Variants in EPHA6 observed in about 807,000 individuals in gnomAD.
EPHA6 encodes EPH receptor A6.
EPHA6 carries 50 observed loss-of-function variants against 112.0 expected under a neutral mutation model. That is an observed-to-expected ratio of 0.45 (90% CI 0.36 to 0.56). The LOEUF (loss-of-function observed/expected upper bound fraction) is 0.56. Among genes scored for constraint, EPHA6 ranks in the 20% least tolerant of loss-of-function variants. The pLI is 0.00. For synonymous variants in EPHA6, 529 were observed against 490.7 expected (o/e 1.08, Z -1.03); for missense variants, 1,280 against 1,417.4 (o/e 0.90, Z 1.56).
At chr3:96,893,063 G>A (rs761642792) in intron 2 of EPHA6, among the ~76,000 whole-genome samples, 6 of 151,600 alleles carry the variant, frequency 4.0e-5, no homozygotes, top group Non-Finnish European at 8.8e-5. Flanking sequence ...GATTATAATC[G>A]AGCTGAAAAA....
intron 2 of EPHA6, among the ~76,000 whole-genome samples, chr3:96,951,217 T>C (rs1456058849): frequency 3.9e-5 from 6 of 152,158 alleles, no homozygotes; most frequent in African/African-American, 1.4e-4. Flanking sequence ...TTTTTTATAC[T>C]GTATTACTTT....
intron 6 of EPHA6, among the ~76,000 whole-genome samples, chr3:97,433,004 A>T (rs994112815): frequency 6.6e-6 from 1 of 152,224 alleles, no homozygotes; most frequent in African/African-American, 2.4e-5. Flanking sequence ...AGATCCTGTT[A>T]GAAACTATAA....
At chr3:97,429,082 T>G (rs2107223641) in intron 6 of EPHA6, among the ~76,000 whole-genome samples, 1 of 152,274 alleles carries the variant, frequency 6.6e-6, no homozygotes, top group South Asian at 2.1e-4. Flanking sequence ...AAATCCAGAC[T>G]TACACAAGCC....
chr3:97,606,255 A>T (rs1334801687), intron 12 of EPHA6: 1 of 151,296 alleles, frequency 6.6e-6, no homozygotes, highest in African/African-American at 2.4e-5. Context: ...CCTAGTAGGC[A>T]TTTTAAGAAA....
At chr3:97,117,665 C>G (rs1466086574) in intron 3 of EPHA6, among the ~76,000 whole-genome samples, 1 of 151,622 alleles carries the variant, frequency 6.6e-6, no homozygotes, top group East Asian at 1.9e-4. Context: ...TGTTGTGTTT[C>G]TTTGGTCTAT....
intron 6 of EPHA6, among the ~76,000 whole-genome samples, chr3:97,441,830 T>C (rs911500514): frequency 2.0e-5 from 3 of 152,144 alleles, no homozygotes; most frequent in African/African-American, 7.2e-5. Context: ...TAAAATTTTT[T>C]TAAGTTAATT....
intron 3 of EPHA6, among the ~76,000 whole-genome samples, chr3:97,073,004 C>G (rs1242190603): frequency 6.6e-6 from 1 of 152,282 alleles, no homozygotes; most frequent in African/African-American, 2.4e-5. Flanking sequence ...TTTGACCTAA[C>G]AAGCTCTGTA....
chr3:97,463,199 C>T (rs1454249297), intron 7 of EPHA6, among the ~76,000 whole-genome samples: 1 of 152,050 alleles, frequency 6.6e-6, no homozygotes, highest in African/African-American at 2.4e-5. Flanking sequence ...GTGCTGCACC[C>T]ATTAACTCGT....
intron 10 of EPHA6, among the ~76,000 whole-genome samples, chr3:97,528,799 A>C (rs2092660496): frequency 6.6e-6 from 1 of 152,156 alleles, no homozygotes; most frequent in Non-Finnish European, 1.5e-5. Flanking sequence ...CCTGTATAAC[A>C]TACAACAAAA....
In EPHA6 at chr3:97,600,935, T is replaced by C. The variant is rs1399136256; in HGVS notation, c.2512+8198T>C. ...CCTTTAAGTAATCTCTAGATTTTTT[T>C]AGTAGTTCTTTTTTACTTCTCTATT... On this transcript the variant is annotated intron_variant, in intron 12 of 17. Transcript: ENST00000389672. Among the ~76,000 whole-genome samples the C allele has an allele frequency of 3.3e-5, 5 of 152,246 alleles. 1 individual carries two copies. In the South Asian group the frequency reaches 6.2e-4, roughly 19 times the overall value.
At chr3:97,252,137 A>G (rs1333165084) in intron 5 of EPHA6, among the ~76,000 whole-genome samples, 1 of 152,142 alleles carries the variant, frequency 6.6e-6, no homozygotes, top group Non-Finnish European at 1.5e-5. Context: ...ACAGAAAAAT[A>G]TCAGCCAGAC....
At chr3:97,563,098 A>C (rs1560141129) in intron 11 of EPHA6, among the ~76,000 whole-genome samples, 1 of 152,202 alleles carries the variant, frequency 6.6e-6, no homozygotes, top group East Asian at 1.9e-4. Flanking sequence ...ACTTTATTGC[A>C]GTGGTCTGAA....
chr3:97,477,169 A>G (rs1159257630), intron 8 of EPHA6, among the ~76,000 whole-genome samples: 1 of 152,134 alleles, frequency 6.6e-6, no homozygotes, highest in Non-Finnish European at 1.5e-5. Flanking sequence ...AGAGGACAGA[A>G]AGCAAATTTT....
At chr3:97,268,301 A>T (rs930482425) in intron 5 of EPHA6, among the ~76,000 whole-genome samples, 1 of 152,226 alleles carries the variant, frequency 6.6e-6, no homozygotes, top group African/African-American at 2.4e-5. Flanking sequence ...ACTGCAAGGC[A>T]GGCTGGAAGA....
intron 5 of EPHA6, among the ~76,000 whole-genome samples, chr3:97,400,816 T>C (rs2086951258): frequency 6.6e-6 from 1 of 151,742 alleles, no homozygotes; most frequent in Non-Finnish European, 1.5e-5. Context: ...AGTTTTTTGG[T>C]AGAGTCTGTA....
intron 14 of EPHA6, among the ~76,000 whole-genome samples, chr3:97,649,726 G>A (rs539393034): frequency 6.6e-6 from 1 of 151,418 alleles, no homozygotes; most frequent in Non-Finnish European, 1.5e-5. Flanking sequence ...ATTAAGAAAA[G>A]AGCTATGCCA....
chr3:97,035,561 CCCTA>C (rs566518662), intron 3 of EPHA6, among the ~76,000 whole-genome samples: 327 of 151,994 alleles, frequency 2.2e-3, no homozygotes, highest in African/African-American at 7.5e-3. Flanking sequence ...TAAAATTCTT[CCCTA>C]CTTACAGTTC....
intron 10 of EPHA6, among the ~76,000 whole-genome samples, chr3:97,516,063 C>T (rs1416172760): frequency 5.9e-5 from 9 of 151,988 alleles, no homozygotes; most frequent in Non-Finnish European, 1.0e-4. Context: ...TCTATGGTAT[C>T]GGTATAATTT....
rs547895399 is a variant in EPHA6, at chr3:97,577,308, C to A, written c.2387-15304C>A. On this transcript the variant is annotated intron_variant, in intron 11 of 17. Coordinates refer to ENST00000389672, the MANE Select transcript of EPHA6 (RefSeq NM_001080448.3). ...TTGCATAAGACTTATCCAAAGTAAA[C>A]AAATCTAAAGATATTGAGAGAAAAA... 2.6e-5 allele frequency among the ~76,000 whole-genome samples: 4 copies of A among 152,196 alleles called. No individual in the cohort carries two copies. The East Asian group carries it at 7.7e-4, about 29-fold the overall frequency.
Sources: allele counts gnomAD v4.1 joint callset (sites outside exome capture counted in the v4.1 genomes callset), GRCh38; gene constraint gnomAD v4.1.1; transcripts MANE v1.5; gene names NCBI Gene and HGNC (gene_info 2026-07-23, HGNC 2026-07-21).